The following MAPKAPK3 variants were observed in gnomAD, a reference collection of about 807,000 sequenced individuals.
MAPKAPK3 encodes the protein MAPK activated protein kinase 3, also known as MAP kinase-activated protein kinase 3.
MAPKAPK3 carries 35 observed loss-of-function variants against 49.2 expected under a neutral mutation model. The observed-to-expected ratio is 0.71, with a 90% CI of 0.54 to 0.94. The LOEUF is 0.94. Ranked by LOEUF, MAPKAPK3 falls within the 40% of genes least tolerant of loss-of-function variation. MAPKAPK3 has a pLI of 0.00. For synonymous variants in MAPKAPK3, 178 were observed against 188.7 expected (o/e 0.94, Z 0.46); for missense variants, 398 against 493.1 (o/e 0.81, Z 1.83).
chr3:50,647,341 T>G lies in MAPKAPK3; in HGVS notation c.996+138T>G, dbSNP rs999132538. 1.5e-5 allele frequency: 10 copies of G among 682,336 alleles called. No homozygotes were observed. The Admixed American group carries it at 2.5e-4, about 17-fold the overall frequency. 42.3% of individuals were successfully genotyped at this position (682,336 alleles called of 1,614,324 possible). A position where few individuals can be genotyped will look rare whatever the true frequency, so the allele number is the denominator to read the frequency against. On this transcript the variant is annotated intron_variant, in intron 10 of 10. Coordinates refer to ENST00000621469, the MANE Select transcript of MAPKAPK3 (RefSeq NM_001243925.2). ...CACAGGGTGTCAGTGACTGTCGCAG[T>G]GGTCCAACCATGGCACTCCAAGGAT...
Position 50,646,738 on chromosome 3 carries a change from A to T in MAPKAPK3, c.830-2A>T. On this transcript the variant is annotated splice_acceptor_variant, in intron 8 of 10. Coordinates refer to ENST00000621469, the MANE Select transcript of MAPKAPK3 (RefSeq NM_001243925.2). LOFTEE classifies it high-confidence loss of function. ...CTCCCCTCTCTTCCCTGGCCCCCCT[A>T]GCCAAGCAGCTGATCCGCCTCCTGT... The T allele has an allele frequency of 1.2e-6, 2 of 1,613,810 alleles. No individual in the cohort carries two copies. Among genetic ancestry groups the T allele is most frequent in the South Asian group, 1.1e-5 (1 of 91,074 alleles).
exon 1 of MAPKAPK3, chr3:50,611,931 G>C (rs954190701): frequency 2.3e-6 from 1 of 439,520 alleles, no homozygotes; most frequent in Non-Finnish European, 4.0e-6. Context: ...GGGCCCGGGC[G>C]GGGTGCGCGG....
intron 2 of MAPKAPK3, among the ~76,000 whole-genome samples, chr3:50,630,898 T>C (rs2032888044): frequency 6.6e-6 from 1 of 152,220 alleles, no homozygotes; most frequent in South Asian, 2.1e-4. Context: ...TGAGGTGGCC[T>C]CTGCACAGTA....
rs758137071 is a variant in MAPKAPK3, at chr3:50,646,250, A to G, written c.815A>G (p.Glu272Gly). 1 of 1,614,108 alleles carries G rather than the reference A, an allele frequency of 6.2e-7. No homozygotes were observed. Among genetic ancestry groups the G allele is most frequent in the South Asian group, 1.1e-5 (1 of 91,082 alleles). The change falls in exon 8 of 11, where the codon GAA (glutamate) becomes GGA (glycine). Residue 272 changes from glutamate (E) to glycine (G), a missense_variant. Around this residue, in one of 5 missense-constraint regions of MAPKAPK3, gnomAD observed 152 missense variants for 177.3 expected, o/e 0.86. Transcript: ENST00000621469. Reference sequence around the variant, plus strand: ...GGCTTCCCCAATCCTGAGTGGTCAGAAGTCTCTGAGGATGGTGAGTGAACC... The same window carrying G: ...GGCTTCCCCAATCCTGAGTGGTCAGGAGTCTCTGAGGATGGTGAGTGAACC... ...QYGFPNPEWS[E>G]VSEDAKQLIR...
At chr3:50,631,063 G>A (rs2032893658) in intron 2 of MAPKAPK3, among the ~76,000 whole-genome samples, 1 of 152,236 alleles carries the variant, frequency 6.6e-6, no homozygotes, top group African/African-American at 2.4e-5. Context: ...GAGGAGGAGA[G>A]GTAAATGGAC....
At chr3:50,641,964 G>A (rs773572597) in intron 4 of MAPKAPK3, among the ~76,000 whole-genome samples, 193 bp downstream of exon 4, 24 of 152,186 alleles carry the variant, frequency 1.6e-4, no homozygotes, top group Non-Finnish European at 3.2e-4. Context: ...ACTCTCTATG[G>A]CTTTGGGATG....
chr3:50,633,378 C>T (rs192192817), intron 2 of MAPKAPK3, among the ~76,000 whole-genome samples: 2 of 151,908 alleles, frequency 1.3e-5, no homozygotes, highest in Non-Finnish European at 2.9e-5. Context: ...CACACCCATG[C>T]ACACACCCCT....
At chr3:50,628,459 G>A (rs555316291) in intron 2 of MAPKAPK3, among the ~76,000 whole-genome samples, 1 of 152,236 alleles carries the variant, frequency 6.6e-6, no homozygotes, top group African/African-American at 2.4e-5. Flanking sequence ...CCAGTCTTAT[G>A]ATGAAAATGT....
chr3:50,638,576 T>C (rs1281925328), intron 2 of MAPKAPK3, among the ~76,000 whole-genome samples: 1 of 152,176 alleles, frequency 6.6e-6, no homozygotes, highest in Admixed American at 6.5e-5. Context: ...AGAGGGCTTG[T>C]CCAGCCCCTG....
chr3:50,617,798 C>T lies in MAPKAPK3; in HGVS notation c.219+14C>T. On this transcript the variant is annotated intron_variant, in intron 2 of 10. Transcript: ENST00000621469. ...TGTGCCCTGAAGGTCAGTGAGCCCT[C>T]ACTGAGGCCTGGGGTATCCTGGAGG... 1 of 1,606,202 alleles carries T rather than the reference C, an allele frequency of 6.2e-7. No individual in the cohort carries two copies. The highest frequency in any genetic ancestry group is 8.5e-7 in the Non-Finnish European group (1 of 1,173,816).
intron 2 of MAPKAPK3, among the ~76,000 whole-genome samples, chr3:50,620,566 G>A (rs1052023070): frequency 6.6e-6 from 1 of 152,194 alleles, no homozygotes; most frequent in Non-Finnish European, 1.5e-5. Flanking sequence ...AGGAAGAGCT[G>A]TGGCCACTGT....
rs147535043 is a variant in MAPKAPK3, at chr3:50,644,943, C to T, written c.628+411C>T. ...AGGGACAAAGGGTACCAGTCACCTG[C>T]CTTGTGGGAGACGGTCACTAAAGCC... On this transcript the variant is annotated intron_variant, in intron 6 of 10. Transcript: ENST00000621469. Among the ~76,000 whole-genome samples, 40 of 152,312 alleles carry T rather than the reference C, an allele frequency of 2.6e-4. No homozygotes were observed. The East Asian group carries it at 3.7e-3, about 14-fold the overall frequency.
At chr3:50,629,168 G>A (rs548048001) in intron 2 of MAPKAPK3, among the ~76,000 whole-genome samples, 20 of 152,242 alleles carry the variant, frequency 1.3e-4, no homozygotes, top group African/African-American at 4.3e-4. Context: ...AACAGGATTC[G>A]TGGACTCAAG....
intron 2 of MAPKAPK3, among the ~76,000 whole-genome samples, chr3:50,629,985 C>A (rs181008293): frequency 6.6e-6 from 1 of 152,242 alleles, no homozygotes; most frequent in African/African-American, 2.4e-5. Flanking sequence ...CCCAAGAACT[C>A]TGGTGAGAAG....
In MAPKAPK3 at chr3:50,648,090, A is replaced by G. The variant is rs770514169; in HGVS notation, c.*44A>G. ...AGCCTGGCCTCTCAGCCTGCATAAC[A>G]GACTGAAATGTGCTCAGGCCCTGGC... is the stretch of plus-strand genomic sequence containing the variant. On this transcript the variant is annotated 3_prime_UTR_variant, in exon 11 of 11. Transcript: ENST00000621469. 8 of 1,583,396 alleles carry G rather than the reference A, an allele frequency of 5.1e-6. No individual in the cohort carries two copies. In the Admixed American group the frequency reaches 1.5e-4, roughly 29 times the overall value.
chr3:50,643,974 C>T (rs1321049765), intron 5 of MAPKAPK3, among the ~76,000 whole-genome samples: 1 of 152,206 alleles, frequency 6.6e-6, no homozygotes, highest in African/African-American at 2.4e-5. Context: ...CAACCAGGGC[C>T]TTCTCCCCTG....
chr3:50,625,226 G>A (rs2032709471), intron 2 of MAPKAPK3, among the ~76,000 whole-genome samples: 1 of 152,140 alleles, frequency 6.6e-6, no homozygotes, highest in Non-Finnish European at 1.5e-5. Flanking sequence ...AACATAGGCC[G>A]GCAGACACTC....
intron 2 of MAPKAPK3, among the ~76,000 whole-genome samples, chr3:50,634,588 A>T (rs1351727703): frequency 6.6e-6 from 1 of 151,698 alleles, no homozygotes; most frequent in Non-Finnish European, 1.5e-5. Context: ...TCCCGGGTTC[A>T]AGCCATTCTC....
chr3:50,643,536 C>T (rs1553626966), intron 5 of MAPKAPK3, among the ~76,000 whole-genome samples: 1 of 152,206 alleles, frequency 6.6e-6, no homozygotes, highest in Non-Finnish European at 1.5e-5. Flanking sequence ...GAGGTTACAG[C>T]TGCTGCATAA....
Sources: allele counts gnomAD v4.1 joint callset (sites outside exome capture counted in the v4.1 genomes callset), GRCh38; gene constraint gnomAD v4.1.1; regional missense constraint gnomAD v4.1.1; transcripts MANE v1.5; gene names NCBI Gene and HGNC (gene_info 2026-07-23, HGNC 2026-07-21).